The following SLC4A5 variants were observed in gnomAD, a reference collection of about 807,000 sequenced individuals.
The protein encoded by SLC4A5 is electrogenic sodium bicarbonate cotransporter 4.
In SLC4A5, 96 loss-of-function variants were observed where a neutral mutation model predicts 120.4. The observed-to-expected ratio is 0.80, with a 90% CI of 0.68 to 0.94. The LOEUF is 0.94. Ranked by LOEUF, SLC4A5 falls within the 40% of genes least tolerant of loss-of-function variation. The probability of loss-of-function intolerance (pLI) is 0.00; values close to 1 mark genes in which losing one functional copy is unlikely to be tolerated. For missense variants in SLC4A5, 1,259 were observed against 1,459.5 expected, an observed-to-expected ratio of 0.86 and a Z score of 2.24; for synonymous variants, 550 against 571.1, an observed-to-expected ratio of 0.96 and a Z score of 0.53.
intron 6 of SLC4A5, chr2:74,306,615 C>T (rs1672652298): frequency 5.2e-6 from 2 of 386,242 alleles, no homozygotes; most frequent in Non-Finnish European, 9.5e-6. Flanking sequence ...TACATTTAAG[C>T]TTCCTCCATG....
At chr2:74,314,881 A>G in intron 6 of SLC4A5, 64 bp downstream of exon 6, 3 of 1,429,754 alleles carry the variant, frequency 2.1e-6, no homozygotes, top group Non-Finnish European at 3.0e-6. Flanking sequence ...GAGCTGTCAT[A>G]AAGACATTCA....
At chr2:74,269,871 A>T (rs912595901) in intron 8 of SLC4A5, among the ~76,000 whole-genome samples, 7 of 152,194 alleles carry the variant, frequency 4.6e-5, no homozygotes, top group African/African-American at 1.4e-4. Context: ...GAGTGATAAG[A>T]GCAATGCTTC....
intron 21 of SLC4A5, among the ~76,000 whole-genome samples, chr2:74,237,714 C>A (rs550802765): frequency 2.6e-5 from 4 of 152,090 alleles, no homozygotes; most frequent in African/African-American, 9.6e-5. Flanking sequence ...TCCGAGTACC[C>A]CCCACCCCAC....
At chr2:74,218,572 C>T (rs1372693820) in exon 31 of SLC4A5, 1 of 152,548 alleles carries the variant, frequency 6.6e-6, no homozygotes, top group East Asian at 1.9e-4. Context: ...TAAGACCCTC[C>T]CAGTGAAGAC....
Position 74,226,832 on chromosome 2 carries a change from AC to A in SLC4A5, c.3090+124del, listed in dbSNP as rs1429376902. On this transcript the variant is annotated intron_variant, in intron 27 of 30. Coordinates refer to ENST00000394019, the Ensembl canonical transcript of SLC4A5. ...AGGTCATTCTGTGCCAGCCTCCGTG[AC>A]CCGAGGGAGCCAGGCCACAGCTGAC... 6.3e-6 allele frequency: 7 copies of A among 1,114,488 alleles called. No individual in the cohort carries two copies. In the African/African-American group the frequency reaches 9.4e-5, roughly 15 times the overall value. 69.0% of individuals were successfully genotyped at this position (1,114,488 alleles called of 1,614,324 possible). A position where few individuals can be genotyped will look rare whatever the true frequency, so the allele number is the denominator to read the frequency against.
At chr2:74,299,535 A>G (rs1436310751) in intron 7 of SLC4A5, among the ~76,000 whole-genome samples, 1 of 152,174 alleles carries the variant, frequency 6.6e-6, no homozygotes, top group Non-Finnish European at 1.5e-5. Context: ...TTTATAAATT[A>G]CCCAGTCTCA....
At chr2:74,273,998 G>C (rs6546900) in intron 8 of SLC4A5, among the ~76,000 whole-genome samples, 52,540 of 152,166 alleles carry the variant, frequency 0.35, 12,989 homozygotes, top group East Asian at 0.75. Context: ...AACCCTGTCT[G>C]TACTAAAAAT....
At chr2:74,268,556 T>C (rs1485456947) in intron 8 of SLC4A5, among the ~76,000 whole-genome samples, 1 of 152,262 alleles carries the variant, frequency 6.6e-6, no homozygotes, top group Non-Finnish European at 1.5e-5. Flanking sequence ...TCTTTATTAT[T>C]AATTAAGGCT....
At chr2:74,254,809 C>A in intron 13 of SLC4A5, 103 bp from the exon 14 acceptor site, 1 of 827,722 alleles carries the variant, frequency 1.2e-6, no homozygotes, top group Non-Finnish European at 1.9e-6. Context: ...TGGCCCTGAA[C>A]AGTATGCATT....
At chr2:74,260,862 G>A (rs187476138) in intron 11 of SLC4A5, among the ~76,000 whole-genome samples, 1 of 152,320 alleles carries the variant, frequency 6.6e-6, no homozygotes, top group South Asian at 2.1e-4. Flanking sequence ...TTTGCTGGGT[G>A]CACAAGGCCC....
chr2:74,269,006 G>A (rs1671389065), intron 8 of SLC4A5, among the ~76,000 whole-genome samples: 1 of 152,214 alleles, frequency 6.6e-6, no homozygotes, highest in Admixed American at 6.5e-5. Flanking sequence ...GAGAAGGACT[G>A]GGAGGTGAAG....
intron 7 of SLC4A5, among the ~76,000 whole-genome samples, chr2:74,292,357 C>G (rs1403576929): frequency 2.0e-5 from 3 of 152,194 alleles, no homozygotes; most frequent in Non-Finnish European, 2.9e-5. Context: ...GGCCCTCCAT[C>G]CCAGGCCCCT....
chr2:74,280,873 G>A (rs894688739), intron 8 of SLC4A5, among the ~76,000 whole-genome samples: 22 of 152,076 alleles, frequency 1.4e-4, no homozygotes. Context: ...TTTTAGTAGA[G>A]ATGGGGTTTC....
At chr2:74,273,945 C>T (rs1174216782) in intron 8 of SLC4A5, among the ~76,000 whole-genome samples, 1 of 152,230 alleles carries the variant, frequency 6.6e-6, no homozygotes, top group African/African-American at 2.4e-5. Flanking sequence ...AGGCAGATCC[C>T]TTGAGGTCAG....
At chr2:74,270,533 C>T (rs1284597710) in intron 8 of SLC4A5, among the ~76,000 whole-genome samples, 8 of 152,112 alleles carry the variant, frequency 5.3e-5, no homozygotes, top group Non-Finnish European at 8.8e-5. Flanking sequence ...ATTAGCCAGG[C>T]GTGGTGGCAG....
chr2:74,253,682 C>A (rs533062837), intron 14 of SLC4A5, among the ~76,000 whole-genome samples: 39 of 151,938 alleles, frequency 2.6e-4, no homozygotes, highest in Admixed American at 7.9e-4. Context: ...CGAAGCAAAT[C>A]TGACTGATTT....
chr2:74,303,390 T>A (rs1672535771), intron 7 of SLC4A5, among the ~76,000 whole-genome samples: 1 of 152,122 alleles, frequency 6.6e-6, no homozygotes, highest in South Asian at 2.1e-4. Flanking sequence ...AAGGTATAGA[T>A]GGTATAATAA....
At chr2:74,248,598 G>A (rs1332084536) in intron 17 of SLC4A5, 112 bp from the exon 18 acceptor site, 24 of 1,283,990 alleles carry the variant, frequency 1.9e-5, no homozygotes, top group African/African-American at 6.0e-5. Flanking sequence ...TTTATCCTTC[G>A]TTCTGGGCCC....
chr2:74,276,965 AG>A (rs933269418), intron 8 of SLC4A5, among the ~76,000 whole-genome samples: 11 of 152,164 alleles, frequency 7.2e-5, no homozygotes, highest in Non-Finnish European at 1.5e-4. Flanking sequence ...TGAGAGAAGC[AG>A]AGACCAGAAG....
Sources: allele counts gnomAD v4.1 joint callset (sites outside exome capture counted in the v4.1 genomes callset), GRCh38; gene constraint gnomAD v4.1.1; transcripts MANE v1.5; gene names NCBI Gene and HGNC (gene_info 2026-07-23, HGNC 2026-07-21).